STRN3: variants seen among roughly 807,000 people sequenced by gnomAD.
STRN3 encodes striatin-3.
Under a neutral mutation model 95.6 loss-of-function variants are expected in STRN3, and 29 were observed. That is an observed-to-expected ratio of 0.30 (90% CI 0.23 to 0.41). The LOEUF (loss-of-function observed/expected upper bound fraction) is 0.41, where lower values mean the gene tolerates loss of function less well. Among genes scored for constraint, STRN3 ranks in the 10% least tolerant of loss-of-function variants. STRN3 has a pLI of 1.00. For synonymous variants in STRN3, 331 were observed against 357.6 expected (o/e 0.93, Z 0.84); for missense variants, 890 against 972.1 (o/e 0.92, Z 1.12).
chr14:30,927,493 A>G, intron 8 of STRN3, among the ~76,000 whole-genome samples: 1 of 152,068 alleles, frequency 6.6e-6, no homozygotes, highest in Non-Finnish European at 1.5e-5. Flanking sequence ...AAAATGGAAT[A>G]CTTCTATTTT....
chr14:30,960,525 TG>T (rs1880139106), intron 1 of STRN3, among the ~76,000 whole-genome samples: 2 of 151,254 alleles, frequency 1.3e-5, no homozygotes, highest in African/African-American at 4.9e-5. Flanking sequence ...GAGAAAAAAA[TG>T]GTTGCTTCAA....
intron 6 of STRN3, among the ~76,000 whole-genome samples, 162 bp from the exon 7 acceptor site, chr14:30,935,466 A>T (rs985410989): frequency 1.3e-5 from 2 of 152,230 alleles, no homozygotes; most frequent in African/African-American, 4.8e-5. Context: ...TACTTCAGAT[A>T]AATGGTTCAA....
intron 1 of STRN3, among the ~76,000 whole-genome samples, chr14:31,008,061 G>A (rs545105423): frequency 6.6e-6 from 1 of 151,994 alleles, no homozygotes; most frequent in Admixed American, 6.6e-5. Flanking sequence ...CATGATGGCG[G>A]GTGCCTATAA....
At chr14:30,945,624 A>G (rs1247460579) in intron 5 of STRN3, among the ~76,000 whole-genome samples, 1 of 152,162 alleles carries the variant, frequency 6.6e-6, no homozygotes, top group African/African-American at 2.4e-5. Flanking sequence ...TAATAATAAA[A>G]TAAAAAAGAA....
intron 1 of STRN3, among the ~76,000 whole-genome samples, chr14:30,984,776 C>T (rs911429364): frequency 6.6e-6 from 1 of 151,814 alleles, no homozygotes; most frequent in African/African-American, 2.4e-5. Context: ...AGCAAGACTC[C>T]GTCTCAGAAA....
At chr14:30,916,861 G>T (rs1197222500) in intron 9 of STRN3, among the ~76,000 whole-genome samples, 1 of 152,112 alleles carries the variant, frequency 6.6e-6, no homozygotes, top group East Asian at 1.9e-4. Flanking sequence ...TCCTTTTGAT[G>T]GACACTTATG....
intron 5 of STRN3, among the ~76,000 whole-genome samples, chr14:30,945,563 G>A (rs1879320598): frequency 6.6e-6 from 1 of 152,044 alleles, no homozygotes; most frequent in African/African-American, 2.4e-5. Context: ...CCGTGATCAT[G>A]CCACTGTACT....
At chr14:30,993,235 A>G (rs545184924) in intron 1 of STRN3, among the ~76,000 whole-genome samples, 1 of 145,304 alleles carries the variant, frequency 6.9e-6, no homozygotes, top group South Asian at 2.3e-4. Context: ...AGCCTGGGTG[A>G]CAAAGTGAGA....
rs1896111961 is a variant in STRN3, at chr14:30,895,310, CAGATCACATGT to C, written c.*90_*100del. ...CCTGCCCCAGATAGCCTTCACCAGGCAGATCACATGTAGTGTCATATCAGTAACCTTTCTGA... is the reference window on the plus strand; with the variant it reads ...CCTGCCCCAGATAGCCTTCACCAGGCAGTGTCATATCAGTAACCTTTCTGA... On this transcript the variant is annotated 3_prime_UTR_variant, in exon 18 of 18. Transcript: ENST00000357479. 8.0e-7 allele frequency: 1 copy of C among 1,243,542 alleles called. No homozygotes were observed. The highest frequency in any genetic ancestry group is 1.1e-6 in the Non-Finnish European group (1 of 923,894). 77.0% of individuals were successfully genotyped at this position (1,243,542 alleles called of 1,614,324 possible).
chr14:31,002,852 G>A (rs1393518520), intron 1 of STRN3, among the ~76,000 whole-genome samples: 2 of 152,094 alleles, frequency 1.3e-5, no homozygotes, highest in African/African-American at 4.8e-5. Flanking sequence ...AGGGAAATGA[G>A]TTATTGTTTA....
In STRN3 at chr14:30,918,363, C is replaced by T. The variant is rs1456911264; in HGVS notation, c.1240+603G>A. Among the ~76,000 whole-genome samples the T allele has an allele frequency of 3.3e-5, 5 of 151,690 alleles. No individual in the cohort carries two copies. In the East Asian group the frequency reaches 9.7e-4, roughly 29 times the overall value. Reference sequence around the variant, plus strand: ...CTCTACTAAAAATACAAAAAATTGGCCGGGGAATGGTGGTGTGCGCCTATA... The same window carrying T: ...CTCTACTAAAAATACAAAAAATTGGTCGGGGAATGGTGGTGTGCGCCTATA... On this transcript the variant is annotated intron_variant, in intron 9 of 17. Coordinates refer to ENST00000357479, the MANE Select transcript of STRN3 (RefSeq NM_001083893.2).
At chr14:30,986,302 G>A (rs1476291931) in intron 1 of STRN3, among the ~76,000 whole-genome samples, 1 of 148,326 alleles carries the variant, frequency 6.7e-6, no homozygotes, top group Non-Finnish European at 1.5e-5. Flanking sequence ...AGAAAATTAA[G>A]AGAAATACGT....
chr14:30,929,964 A>AACAAAC (rs1414123559), intron 7 of STRN3, among the ~76,000 whole-genome samples: 15 of 147,314 alleles, frequency 1.0e-4, no homozygotes, highest in East Asian at 3.9e-4. Context: ...CAAAAAAAAA[A>AACAAAC]AAAAAAAAAA....
chr14:30,919,010 G>C lies in STRN3; in HGVS notation c.1196C>G (p.Ala399Gly). 2 of 1,605,384 alleles carry C rather than the reference G, an allele frequency of 1.2e-6. No homozygotes were observed. The highest frequency in any genetic ancestry group is 1.7e-6 in the Non-Finnish European group (2 of 1,175,026). ...TTCATGATCAGTCATTCTAGTAGAGGCTGACCTAGACTGATTAATGATTCC... is the reference window on the plus strand; with the variant it reads ...TTCATGATCAGTCATTCTAGTAGAGCCTGACCTAGACTGATTAATGATTCC... The part of the protein sequence containing the change: ...PSGIINQSRS[A>G]STRMTDHEGA... Residue 399 changes from alanine (A) to glycine (G), a missense_variant, in exon 9 of 18, where the codon GCC becomes GGC. By Grantham distance (60) the Ala-to-Gly change is moderately conservative. This residue lies in a region of STRN3 where 526 missense variants were observed against 526.3 expected (regional missense o/e 1.00). Coordinates refer to ENST00000357479, the MANE Select transcript of STRN3 (RefSeq NM_001083893.2).
At position 30,947,163 on chromosome 14, in the gene STRN3, C is replaced by T. The variant is rs774884150; in HGVS notation, c.643G>A (p.Val215Ile). Residue 215 changes from valine (V) to isoleucine (I), a missense_variant, in exon 5 of 18, where the codon GTA becomes ATA. By Grantham distance (29) the Val-to-Ile change is conservative. This residue lies in a region of STRN3 where 526 missense variants were observed against 526.3 expected (regional missense o/e 1.00). Transcript: ENST00000357479. The part of the protein sequence containing the change: ...GLSNSEPNGS[V>I]ETKNLEQILN... Reference sequence around the variant, plus strand: ...ATCTGTTCTAAATTCTTTGTTTCTACTGATCCATTTGGTTCTGAATTAGAT... The same window carrying T: ...ATCTGTTCTAAATTCTTTGTTTCTATTGATCCATTTGGTTCTGAATTAGAT... 4.3e-6 allele frequency: 7 copies of T among 1,612,990 alleles called. No individual in the cohort carries two copies. The highest frequency in any genetic ancestry group is 1.7e-5 in the Admixed American group (1 of 59,822).
chr14:30,917,554 TA>T (rs71430903), intron 9 of STRN3, among the ~76,000 whole-genome samples: 16,165 of 139,282 alleles, frequency 0.12, 889 homozygotes, highest in African/African-American at 0.12. Context: ...TGCATAAAAT[TA>T]AAAAAAAAAA....
At chr14:30,947,400 C>CT in intron 4 of STRN3, 137 bp from the exon 5 acceptor site, 1 of 642,938 alleles carries the variant, frequency 1.6e-6, no homozygotes. Context: ...TCTCTACAGA[C>CT]TAGTTCCAGT....
intron 13 of STRN3, among the ~76,000 whole-genome samples, chr14:30,908,032 TAATA>T (rs1289396766): frequency 6.6e-6 from 1 of 152,168 alleles, no homozygotes; most frequent in East Asian, 1.9e-4. Context: ...TCTTGCTGCG[TAATA>T]TATAAATGAT....
At chr14:30,943,477 G>A (rs191707461) in intron 5 of STRN3, among the ~76,000 whole-genome samples, 34 of 152,260 alleles carry the variant, frequency 2.2e-4, no homozygotes, top group African/African-American at 7.7e-4. Flanking sequence ...GCATGTGGCT[G>A]TAGTCCCAGC....
Sources: allele counts gnomAD v4.1 joint callset (sites outside exome capture counted in the v4.1 genomes callset), GRCh38; gene constraint gnomAD v4.1.1; regional missense constraint gnomAD v4.1.1; transcripts MANE v1.5; gene names NCBI Gene and HGNC (gene_info 2026-07-23, HGNC 2026-07-21).